Variants in UBTF observed in about 807,000 individuals in gnomAD.
UBTF encodes the protein nucleolar transcription factor 1.
In UBTF, 8 loss-of-function variants were observed where a neutral mutation model predicts 112.3. That is an observed-to-expected ratio of 0.07 (90% CI 0.04 to 0.13). The LOEUF (loss-of-function observed/expected upper bound fraction) is 0.13. Ranked by LOEUF, UBTF falls within the 10% of genes least tolerant of loss-of-function variation. UBTF has a pLI of 1.00. For synonymous variants in UBTF, 417 were observed against 373.1 expected (o/e 1.12, Z -1.36); for missense variants, 457 against 982.1 (o/e 0.47, Z 7.15).
In UBTF at chr17:44,207,349, C is replaced by T. The variant is rs769404015; in HGVS notation, c.2188G>A (p.Asp730Asn). 19 of 1,612,786 alleles carry T rather than the reference C, an allele frequency of 1.2e-5. No individual in the cohort carries two copies. The highest frequency in any genetic ancestry group is 2.2e-5 in the East Asian group (1 of 44,828). The change falls in exon 21 of 21, where the codon GAC (aspartate) becomes AAC (asparagine). Residue 730 changes from aspartate (D) to asparagine (N), a missense_variant. By Grantham distance (23) the Asp-to-Asn change is conservative. Around this residue, in one of 7 missense-constraint regions of UBTF, gnomAD observed 139 missense variants for 157.5 expected, o/e 0.88. Coordinates refer to ENST00000436088, the MANE Select transcript of UBTF (RefSeq NM_014233.4). ...TCGTCATCCTCGTCGTCGTCTTCGT[C>T]CTCGTCATCCTCTTCATTCTGGGGG... Reference protein sequence around the residue: ...DGDENEEDDEDEDDDEDDDED... With the variant: ...DGDENEEDDENEDDDEDDDED...
Position 44,207,776 on chromosome 17 carries a change from G to A in UBTF, c.1954-6C>T. The A allele has an allele frequency of 6.2e-7, 1 of 1,614,158 alleles. No individual in the cohort carries two copies. The highest frequency in any genetic ancestry group is 1.1e-5 in the South Asian group (1 of 91,084). On this transcript the variant is annotated splice_region_variant and splice_polypyrimidine_tract_variant and intron_variant, in intron 18 of 20. Transcript: ENST00000436088. Reference sequence around the variant, plus strand: ...TTGGTCATGCTCTTACGTTTCTGCAGGATGGGGACACAAAGGTGGCAGCCA... The same window carrying A: ...TTGGTCATGCTCTTACGTTTCTGCAAGATGGGGACACAAAGGTGGCAGCCA...
intron 7 of UBTF, 101 bp from the exon 8 acceptor site, chr17:44,212,555 G>A (rs1342288137): frequency 2.8e-6 from 3 of 1,073,170 alleles, no homozygotes; most frequent in Non-Finnish European, 4.1e-6. Context: ...CAGGCCATGG[G>A]AGGTCACATC....
At chr17:44,220,855 G>C (rs1361125585), upstream of UBTF, 1 of 152,166 alleles carries the variant, frequency 6.6e-6, no homozygotes, top group Non-Finnish European at 1.5e-5. Flanking sequence ...GACAAAGCCC[G>C]AGATGGCGAA....
intron 17 of UBTF, chr17:44,209,118 G>T: frequency 3.1e-6 from 1 of 324,356 alleles, no homozygotes. Flanking sequence ...GCAGTGAGCC[G>T]AGACTACACC....
chr17:44,211,174 G>T lies in UBTF; in HGVS notation c.1090-22C>A. On this transcript the variant is annotated intron_variant, in intron 11 of 20. Coordinates refer to ENST00000436088, the MANE Select transcript of UBTF (RefSeq NM_014233.4). This position sits in a 1 kb window ranked among gnomAD's most constrained non-coding sequence, Gnocchi z 4.9. ...GGCTCTGGACAGGAAAGAGGAGCACGGGGCTGCATGCCTGGCACCCAGACT... is the reference window on the plus strand; with the variant it reads ...GGCTCTGGACAGGAAAGAGGAGCACTGGGCTGCATGCCTGGCACCCAGACT... 1 of 1,612,814 alleles carries T rather than the reference G, an allele frequency of 6.2e-7. No homozygotes were observed.
Position 44,212,404 on chromosome 17 carries a change from G to A in UBTF, c.711C>T (p.Leu237=). ...KDSLGKQWSQ[L]SDKKRLKWIH... is the part of the protein sequence containing the mutation. Reference sequence around the variant, plus strand: ...TCCATTTCAGCCTCTTTTTGTCCGAGAGCTGAGACCACTGCTTCCCCAGGG... The same window carrying A: ...TCCATTTCAGCCTCTTTTTGTCCGAAAGCTGAGACCACTGCTTCCCCAGGG... The change falls in exon 8 of 21, where the codon CTC becomes CTT. Residue 237 remains leucine (L), a synonymous_variant. Transcript: ENST00000436088. 6.2e-7 allele frequency: 1 copy of A among 1,613,184 alleles called. No homozygotes were observed. The highest frequency in any genetic ancestry group is 2.2e-5 in the East Asian group (1 of 44,816).
rs2144537535 is a variant in UBTF, at chr17:44,211,590, C to T, written c.1047+16G>A. On this transcript the variant is annotated intron_variant, in intron 10 of 20. Coordinates refer to ENST00000436088, the MANE Select transcript of UBTF (RefSeq NM_014233.4). This position sits in a 1 kb window ranked among gnomAD's most constrained non-coding sequence, Gnocchi z 4.9. ...CTTCAAAACCCCAAGGCAGGGTGGCCCCTGCCACAGCTCACCTGATCACAC... is the reference window on the plus strand; with the variant it reads ...CTTCAAAACCCCAAGGCAGGGTGGCTCCTGCCACAGCTCACCTGATCACAC... 6.2e-7 allele frequency: 1 copy of T among 1,606,458 alleles called. No individual in the cohort carries two copies. Among genetic ancestry groups the T allele is most frequent in the South Asian group, 1.1e-5 (1 of 90,550 alleles).
Position 44,210,967 on chromosome 17 carries a change from C to G in UBTF, c.1204-20G>C. On this transcript the variant is annotated intron_variant, in intron 12 of 20. Coordinates refer to ENST00000436088, the MANE Select transcript of UBTF (RefSeq NM_014233.4). ...GCCGCCCTGTCCAGGTGCAGAGGGT[C>G]GGGGTCCGTGGGTGCTGCCAGGGAG... The G allele has an allele frequency of 6.2e-7, 1 of 1,601,702 alleles. No individual in the cohort carries two copies. Among genetic ancestry groups the G allele is most frequent in the African/African-American group, 1.3e-5 (1 of 74,932 alleles).
chr17:44,215,104 C>T (rs574619621), intron 5 of UBTF, among the ~76,000 whole-genome samples: 1,232 of 116,806 alleles, frequency 0.011, 17 homozygotes, highest in African/African-American at 0.05. Context: ...AACACGTGTG[C>T]GTGGAGAAGT....
intron 15 of UBTF, 91 bp downstream of exon 15, chr17:44,210,033 A>AC: frequency 7.5e-7 from 1 of 1,333,994 alleles, no homozygotes; most frequent in South Asian, 1.2e-5. Context: ...AGAGTCACAG[A>AC]CCAAGGCTGG....
At chr17:44,210,703 G>T in intron 13 of UBTF, 89 bp downstream of exon 13, 1 of 1,512,818 alleles carries the variant, frequency 6.6e-7, no homozygotes. Flanking sequence ...GGCTCAGGCG[G>T]CCAGGGGCGA....
Position 44,211,780 on chromosome 17 carries a change from G to A in UBTF, c.906-33C>T, listed in dbSNP as rs1395902074. 7.5e-6 allele frequency: 12 copies of A among 1,599,932 alleles called. No individual in the cohort carries two copies. The highest frequency in any genetic ancestry group is 3.3e-5 in the Admixed American group (2 of 59,736). Reference sequence around the variant, plus strand: ...AGCCGCGGGGAGAGAGGTGCAGCCCGTAAGCGAGCAGGGCAGCAGGCCTTC... The same window carrying A: ...AGCCGCGGGGAGAGAGGTGCAGCCCATAAGCGAGCAGGGCAGCAGGCCTTC... On this transcript the variant is annotated intron_variant, in intron 9 of 20. Coordinates refer to ENST00000436088, the MANE Select transcript of UBTF (RefSeq NM_014233.4). This position sits in a 1 kb window ranked among gnomAD's most constrained non-coding sequence, Gnocchi z 4.9.
chr17:44,221,146 T>C (rs1437102736), upstream of UBTF: 2 of 152,134 alleles, frequency 1.3e-5, no homozygotes, highest in Non-Finnish European at 2.9e-5. Flanking sequence ...TTTTTCTTTT[T>C]GCAGGGCGGG....
At chr17:44,208,223 C>T (rs1268734583) in intron 17 of UBTF, among the ~76,000 whole-genome samples, 1 of 151,690 alleles carries the variant, frequency 6.6e-6, no homozygotes, top group East Asian at 1.9e-4. Flanking sequence ...TCCAACTCAG[C>T]CTCCAGAGTA....
At chr17:44,220,898 C>T (rs2047156640), upstream of UBTF, 2 of 150,768 alleles carry the variant, frequency 1.3e-5, no homozygotes, top group Middle Eastern at 3.4e-3. Context: ...GCCCCACGCG[C>T]CGCGCTCCGC....
rs775975073 is a variant in UBTF at position 44,209,646 on chromosome 17, T to G, written c.1714A>C (p.Met572Leu). The change falls in exon 16 of 21, where the codon ATG becomes CTG. Residue 572 changes from methionine to leucine, a missense_variant and splice_region_variant. Physicochemically the swap from Met to Leu is conservative, Grantham distance 15. Transcript: ENST00000436088. ...GCAGACTCCAACCCCCAGGCTCACA[T>G]GGGAGGCTTCTTGGGTTCTCCCTGG... ...KFQGEPKKPP[M>L]NGYQKFSQEL... The G allele has an allele frequency of 6.2e-7, 1 of 1,614,170 alleles. No homozygotes were observed. The highest frequency in any genetic ancestry group is 8.5e-7 in the Non-Finnish European group (1 of 1,180,030).
intron 5 of UBTF, among the ~76,000 whole-genome samples, chr17:44,214,428 CAGG>C (rs756299659): frequency 8.5e-5 from 13 of 152,224 alleles, no homozygotes; most frequent in African/African-American, 2.2e-4. Context: ...GTGGCAGAGC[CAGG>C]AGAACAGGCC....
At position 44,205,669 on chromosome 17, in the gene UBTF, C is replaced by T. The variant is rs9910055; in HGVS notation, c.*1573G>A. ...CTTCACCGTTCTTGCTCCACCTCCG[C>T]GGCAGAGTTCCCGCTCTTCCCCCAT... is the stretch of plus-strand genomic sequence containing the variant. On this transcript the variant is annotated 3_prime_UTR_variant, in exon 21 of 21. Transcript: ENST00000436088. 51,815 of 152,024 alleles carry T rather than the reference C, an allele frequency of 0.34. 10,027 individuals are homozygous for T. The highest frequency in any genetic ancestry group is 0.69 in the East Asian group (3,583 of 5,168). 9.4% of individuals were successfully genotyped at this position (152,024 alleles called of 1,614,324 possible).
upstream of UBTF, chr17:44,220,620 A>G: frequency 6.6e-6 from 1 of 151,596 alleles, no homozygotes; most frequent in Non-Finnish European, 1.5e-5. Flanking sequence ...CCGCTGTGGG[A>G]GCCGGTTCAA....
Sources: allele counts gnomAD v4.1 joint callset (sites outside exome capture counted in the v4.1 genomes callset), GRCh38; gene constraint gnomAD v4.1.1; regional missense constraint gnomAD v4.1.1; non-coding constraint Gnocchi (gnomAD v3.1); transcripts MANE v1.5; gene names NCBI Gene and HGNC (gene_info 2026-07-23, HGNC 2026-07-21).